DST: variants seen among roughly 807,000 people sequenced by gnomAD.
DST encodes the protein dystonin.
In DST, 253 loss-of-function variants were observed where a neutral mutation model predicts 875.2. That is an observed-to-expected ratio of 0.29 (90% CI 0.26 to 0.32). The LOEUF (loss-of-function observed/expected upper bound fraction) is 0.32. DST is among the 10% of genes least tolerant of loss of function. The pLI is 1.00. For missense variants in DST, 8,287 were observed against 9,111.6 expected, an observed-to-expected ratio of 0.91 and a Z score of 3.68; for synonymous variants, 3,124 against 3,197.1, an observed-to-expected ratio of 0.98 and a Z score of 0.77.
intron 9 of DST, among the ~76,000 whole-genome samples, chr6:56,672,954 CTG>C (rs1167652129): frequency 1.3e-5 from 2 of 152,158 alleles, no homozygotes; most frequent in African/African-American, 4.8e-5. Context: ...ATCTAGGAAA[CTG>C]TGAATGAAAA....
chr6:56,562,227 TCA>T (rs749991629), intron 55 of DST, 27 bp from the exon 56 acceptor site: 19 of 1,470,776 alleles, frequency 1.3e-5, no homozygotes, highest in Non-Finnish European at 1.7e-5. Context: ...ACTAAAATAA[TCA>T]CAGTTTCATA....
intron 50 of DST, 146 bp from the exon 51 acceptor site, chr6:56,574,033 G>A: frequency 1.8e-6 from 1 of 546,484 alleles, no homozygotes; most frequent in Non-Finnish European, 3.2e-6. Flanking sequence ...TGCATAATCA[G>A]AACACCACCT....
intron 10 of DST, among the ~76,000 whole-genome samples, chr6:56,660,002 T>G (rs1247284661): frequency 1.3e-5 from 2 of 152,126 alleles, no homozygotes; most frequent in African/African-American, 4.8e-5. Flanking sequence ...CAAAAAAGAC[T>G]TTCTACTTGT....
intron 9 of DST, among the ~76,000 whole-genome samples, chr6:56,676,416 T>C (rs2099130415): frequency 6.6e-6 from 1 of 152,170 alleles, no homozygotes; most frequent in Admixed American, 6.5e-5. Context: ...TTTTGCACTG[T>C]TGGTGGGAAT....
In DST at chr6:56,920,626, A is replaced by G. The variant is rs537193346; in HGVS notation, c.217-20005T>C. ...GCACTGCCAAATTTAAAAGCAAATT[A>G]TGCAGCTTTATTTTATAGAAAGACA... On this transcript the variant is annotated intron_variant, in intron 2 of 103. Transcript: ENST00000680361. 2.0e-5 allele frequency among the ~76,000 whole-genome samples: 3 copies of G among 152,262 alleles called. No homozygotes were observed. In the East Asian group the frequency reaches 5.8e-4, roughly 29 times the overall value.
intron 4 of DST, among the ~76,000 whole-genome samples, chr6:56,849,544 C>A (rs1444158189): frequency 6.6e-6 from 1 of 152,110 alleles, no homozygotes; most frequent in East Asian, 1.9e-4. Context: ...AAGCGATGGC[C>A]CCTGCATCAA....
intron 3 of DST, among the ~76,000 whole-genome samples, chr6:56,898,312 GA>G (rs1340033906): frequency 6.6e-6 from 1 of 152,146 alleles, no homozygotes; most frequent in Non-Finnish European, 1.5e-5. Context: ...GGCAAACAAA[GA>G]ATAAGGAAAA....
intron 10 of DST, among the ~76,000 whole-genome samples, chr6:56,664,836 T>C (rs1052754773): frequency 2.0e-5 from 3 of 152,130 alleles, no homozygotes; most frequent in Admixed American, 6.5e-5. Flanking sequence ...TATAGGTATG[T>C]AGTATTTTTA....
chr6:56,609,939 A>C (rs2098530894), intron 39 of DST, among the ~76,000 whole-genome samples: 1 of 152,180 alleles, frequency 6.6e-6, no homozygotes, highest in South Asian at 2.1e-4. Context: ...CAAGTTTTAA[A>C]AGTTTAAGTA....
chr6:56,847,258 G>A (rs2099808160), intron 4 of DST, among the ~76,000 whole-genome samples: 2 of 152,062 alleles, frequency 1.3e-5, no homozygotes, highest in African/African-American at 4.8e-5. Context: ...ACTTAGAGGT[G>A]GCAGTGAGCT....
At position 56,617,525 on chromosome 6, in the gene DST, TGAAAA is replaced by T. The variant is rs1437727134; in HGVS notation, c.4930-3046_4930-3042del. On this transcript the variant is annotated intron_variant, in intron 36 of 103. Transcript: ENST00000680361. ...CTTTGAATTACAAAGACAAGATTAG[TGAAAA>T]GAAGAAAAATTTCAAACCAAGGAGG... The T allele has an allele frequency of 3.7e-6, 4 of 1,087,960 alleles. No individual in the cohort carries two copies. The African/African-American group carries it at 6.3e-5, about 17-fold the overall frequency. 67.4% of individuals were successfully genotyped at this position (1,087,960 alleles called of 1,614,324 possible).
chr6:56,601,976 T>C (rs1586272450), intron 43 of DST: 4 of 441,198 alleles, frequency 9.1e-6, no homozygotes, highest in Non-Finnish European at 1.7e-5. Context: ...AGACCTAACT[T>C]AGGTATATTT....
At chr6:56,531,611 A>G (rs1272200525) in intron 64 of DST, among the ~76,000 whole-genome samples, 2 of 152,180 alleles carry the variant, frequency 1.3e-5, no homozygotes, top group African/African-American at 4.8e-5. Flanking sequence ...TTTATATAAC[A>G]TACTCACTCA....
Position 56,952,918 on chromosome 6 carries a change from GTTT to G in DST, c.216+864_216+866del, listed in dbSNP as rs1823070423. Among the ~76,000 whole-genome samples, 3 of 152,204 alleles carry G rather than the reference GTTT, an allele frequency of 2.0e-5. No individual in the cohort carries two copies. In the South Asian group the frequency reaches 6.2e-4, roughly 31 times the overall value. On this transcript the variant is annotated intron_variant, in intron 2 of 103. Coordinates refer to ENST00000680361, the MANE Select transcript of DST (RefSeq NM_001374736.1). Reference sequence around the variant, plus strand: ...ATGATATTGCAATAATACAGTTAAAGTTTTTAAGCAACTAGAACCCAATAAAAC... The same window carrying G: ...ATGATATTGCAATAATACAGTTAAAGTTAAGCAACTAGAACCCAATAAAAC...
intron 2 of DST, among the ~76,000 whole-genome samples, chr6:56,911,158 G>C (rs1027157448): frequency 2.6e-5 from 4 of 152,186 alleles, no homozygotes; most frequent in African/African-American, 9.7e-5. Context: ...GAAAAACTGA[G>C]AGCCTGGGCT....
At chr6:56,467,735 C>G (rs1175262687) in intron 98 of DST, among the ~76,000 whole-genome samples, 1 of 152,098 alleles carries the variant, frequency 6.6e-6, no homozygotes, top group African/African-American at 2.4e-5. Context: ...AAATAATTTT[C>G]TGTTTTAATT....
At chr6:56,696,222 G>T (rs1467341435) in intron 9 of DST, among the ~76,000 whole-genome samples, 1 of 152,092 alleles carries the variant, frequency 6.6e-6, no homozygotes, top group African/African-American at 2.4e-5. Context: ...GAGTGCAATG[G>T]CGTGATCTCA....
intron 68 of DST, 140 bp downstream of exon 68, chr6:56,527,353 C>T (rs2096821790): frequency 9.4e-6 from 10 of 1,058,268 alleles, no homozygotes; most frequent in Non-Finnish European, 1.2e-5. Flanking sequence ...TGATCTGCTG[C>T]CAATTTCTAT....
At position 56,618,342 on chromosome 6, in the gene DST, T is replaced by C. The variant is rs756952695; in HGVS notation, c.4930-3858A>G. On this transcript the variant is annotated intron_variant, in intron 36 of 103. Transcript: ENST00000680361. ...GTTGGGTGAAGGTGTCCAGTGTTTC[T>C]AGAGGACAGCTCTCCAGAGTGCTGG... 3.6e-5 allele frequency: 58 copies of C among 1,614,108 alleles called. 1 individual carries two copies. Among genetic ancestry groups the C allele is most frequent in the South Asian group, 1.1e-4 (10 of 91,084 alleles).
Sources: gnomAD v4.1 joint callset for allele counts (sites outside exome capture counted in the v4.1 genomes callset) on GRCh38, gnomAD v4.1.1 for gene constraint, MANE v1.5 for transcripts, NCBI Gene and HGNC (gene_info 2026-07-23, HGNC 2026-07-21) for gene names.